The following CD96 variants were observed in gnomAD, a reference collection of about 807,000 sequenced individuals.
The protein encoded by CD96 is CD96 molecule.
A neutral mutation model predicts 71.3 loss-of-function variants in CD96; 70 were observed. That is an observed-to-expected ratio of 0.98 (90% confidence interval 0.81 to 1.20). CD96 has a LOEUF of 1.20. CD96 is among the 50% of genes most tolerant of loss of function. The probability of loss-of-function intolerance (pLI) is 0.00; values close to 1 mark genes in which losing one functional copy is unlikely to be tolerated. For missense variants in CD96, 742 were observed against 677.5 expected (o/e 1.10, Z -1.06); for synonymous variants, 248 against 233.0 (o/e 1.06, Z -0.59).
chr3:111,547,700 A>G (rs950029413), intron 2 of CD96, among the ~76,000 whole-genome samples: 5 of 152,198 alleles, frequency 3.3e-5, no homozygotes, highest in Non-Finnish European at 7.3e-5. Context: ...CAGAAACCGT[A>G]TCTATACTTT....
intron 5 of CD96, chr3:111,593,845 C>T (rs572188739): frequency 6.4e-5 from 103 of 1,613,860 alleles, no homozygotes; most frequent in Non-Finnish European, 8.3e-5. Flanking sequence ...CCTGGCGCTG[C>T]CCAGCCTGAC....
At position 111,542,337 on chromosome 3, in the gene CD96, C is replaced by T. The variant is rs368743261; in HGVS notation, c.61+28C>T. 43 of 1,571,068 alleles carry T rather than the reference C, an allele frequency of 2.7e-5. No individual in the cohort carries two copies. The African/African-American group carries it at 3.8e-4, about 14-fold the overall frequency. ...AAGACTTCCAGTTGTCCCTTCTTGT[C>T]GGATGGGCCGCTTTAGGGGCGGATG... On this transcript the variant is annotated intron_variant, in intron 1 of 13. Coordinates refer to ENST00000352690, the MANE Select transcript of CD96 (RefSeq NM_005816.5).
At chr3:111,634,156 T>C (rs1430481193) in intron 10 of CD96, 2 of 152,672 alleles carry the variant, frequency 1.3e-5, no homozygotes, top group East Asian at 3.8e-4. Flanking sequence ...TTGACAACTA[T>C]AAACTTGTCA....
At chr3:111,556,302 C>G (rs1935033144) in intron 2 of CD96, among the ~76,000 whole-genome samples, 9 of 148,500 alleles carry the variant, frequency 6.1e-5, no homozygotes, top group Admixed American at 6.0e-4. Flanking sequence ...GCGCCGCACC[C>G]ACTAACTCGT....
chr3:111,544,927 C>T (rs1934308850), intron 1 of CD96, 119 bp from the exon 2 acceptor site: 4 of 815,476 alleles, frequency 4.9e-6, no homozygotes, highest in Non-Finnish European at 8.6e-6. Context: ...ATTCCTAAAG[C>T]AGCCAGGGAG....
intron 13 of CD96, 34 bp downstream of exon 13, chr3:111,647,700 T>A: frequency 6.8e-7 from 1 of 1,477,764 alleles, no homozygotes; most frequent in Non-Finnish European, 9.5e-7. Flanking sequence ...AGGAACAGAT[T>A]AATTTTTCAT....
intron 10 of CD96, among the ~76,000 whole-genome samples, chr3:111,628,974 A>G (rs1382489784): frequency 1.3e-5 from 2 of 152,216 alleles, no homozygotes; most frequent in East Asian, 1.9e-4. Context: ...GAGAGAATGC[A>G]TTACCACCAG....
intron 8 of CD96, among the ~76,000 whole-genome samples, chr3:111,622,496 A>G (rs955315924): frequency 1.4e-4 from 22 of 152,210 alleles, no homozygotes; most frequent in African/African-American, 5.3e-4. Flanking sequence ...AAAAAAGGTT[A>G]TCATTGATGA....
intron 8 of CD96, among the ~76,000 whole-genome samples, chr3:111,615,179 G>C (rs1938167548): frequency 6.6e-6 from 1 of 152,224 alleles, no homozygotes; most frequent in Non-Finnish European, 1.5e-5. Context: ...CCATTGAAGA[G>C]TTAAAGGAAA....
rs1466309087 is a variant in CD96, at chr3:111,606,697, A to C, written c.1088-3A>C. On this transcript the variant is annotated splice_region_variant and splice_polypyrimidine_tract_variant and intron_variant, in intron 7 of 13. Transcript: ENST00000352690. ...ATTATAAATCTCTTTCTAATCCTTT[A>C]AGGTTCTGAAATTTCCTCAACAGAC... 3 of 1,462,388 alleles carry C rather than the reference A, an allele frequency of 2.1e-6. No homozygotes were observed. Among genetic ancestry groups the C allele is most frequent in the Non-Finnish European group, 2.9e-6 (3 of 1,041,740 alleles). The allele number at this position is 1,462,388 out of a possible 1,614,324, so 90.6% of individuals were successfully genotyped here.
chr3:111,622,004 C>T (rs757187849), intron 8 of CD96, among the ~76,000 whole-genome samples: 14 of 152,092 alleles, frequency 9.2e-5, no homozygotes, highest in Non-Finnish European at 1.5e-4. Flanking sequence ...TTACAATTAC[C>T]GCACAAGAAT....
chr3:111,613,716 C>T (rs1170286974), intron 8 of CD96, among the ~76,000 whole-genome samples: 1 of 152,106 alleles, frequency 6.6e-6, no homozygotes, highest in Non-Finnish European at 1.5e-5. Flanking sequence ...CTGTGCTATG[C>T]CGATAGGTGC....
At chr3:111,570,484 G>A (rs1379868480) in intron 3 of CD96, among the ~76,000 whole-genome samples, 1 of 152,106 alleles carries the variant, frequency 6.6e-6, no homozygotes, top group African/African-American at 2.4e-5. Context: ...TGGGTTAGGG[G>A]TCACAGTGGA....
chr3:111,646,737 A>C (rs1389414457), intron 12 of CD96, among the ~76,000 whole-genome samples: 5 of 152,092 alleles, frequency 3.3e-5, no homozygotes, highest in African/African-American at 1.2e-4. Flanking sequence ...AAGGAATATA[A>C]ATTGTTCTAC....
In CD96 at chr3:111,606,772, C is replaced by A; in HGVS notation, c.1160C>A (p.Ala387Asp). 1 of 1,591,674 alleles carries A rather than the reference C, an allele frequency of 6.3e-7. No individual in the cohort carries two copies. Among genetic ancestry groups the A allele is most frequent in the Non-Finnish European group, 8.6e-7 (1 of 1,159,460 alleles). The stretch of plus-strand genomic sequence containing the variant: ...ACCCTTGACACCCAACCTTCTCCAG[C>A]CAGCAGTGTATCTCCTGCAAGTAAG... Reference protein sequence around the residue: ...ESTLDTQPSPASSVSPARYPA... With the variant: ...ESTLDTQPSPDSSVSPARYPA... Residue 387 changes from alanine to aspartate, a missense_variant, in exon 8 of 14, where the codon GCC (alanine) becomes GAC (aspartate). Coordinates refer to ENST00000352690, the MANE Select transcript of CD96 (RefSeq NM_005816.5).
intron 2 of CD96, among the ~76,000 whole-genome samples, chr3:111,562,317 T>C (rs2107531609): frequency 6.6e-6 from 1 of 152,320 alleles, no homozygotes; most frequent in African/African-American, 2.4e-5. Context: ...TTCCTTATTA[T>C]GGGTCACACA....
intron 5 of CD96, among the ~76,000 whole-genome samples, chr3:111,590,909 C>T (rs535576877): frequency 2.6e-4 from 39 of 152,190 alleles, no homozygotes; most frequent in Non-Finnish European, 4.1e-4. Flanking sequence ...ACTTTAGCCC[C>T]GTCATCTCCA....
chr3:111,642,266 G>A (rs1448506151), intron 12 of CD96, among the ~76,000 whole-genome samples: 1 of 152,128 alleles, frequency 6.6e-6, no homozygotes, highest in Non-Finnish European at 1.5e-5. Context: ...ACCAAGAAAA[G>A]AAGAGAGAAA....
intron 5 of CD96, among the ~76,000 whole-genome samples, chr3:111,588,505 CT>C (rs1299038054): frequency 6.6e-6 from 1 of 152,228 alleles, no homozygotes; most frequent in Non-Finnish European, 1.5e-5. Flanking sequence ...GTTCCAACCT[CT>C]GCCTGTTACC....
Sources: gnomAD v4.1 joint callset for allele counts (sites outside exome capture counted in the v4.1 genomes callset) on GRCh38, gnomAD v4.1.1 for gene constraint, MANE v1.5 for transcripts, NCBI Gene and HGNC (gene_info 2026-07-23, HGNC 2026-07-21) for gene names.